Variants in SESN3 observed in about 807,000 individuals in gnomAD.
SESN3 encodes sestrin 3, also known as sestrin-3.
In SESN3, 21 loss-of-function variants were observed where a neutral mutation model predicts 55.3. The observed-to-expected ratio is 0.38, with a 90% confidence interval of 0.27 to 0.55. SESN3 has a LOEUF of 0.55. SESN3 is among the 20% of genes least tolerant of loss of function. The pLI, the probability that SESN3 is intolerant of heterozygous loss-of-function variation, is 0.76. For synonymous variants in SESN3, 181 were observed against 203.1 expected, an observed-to-expected ratio of 0.89 and a Z score of 0.93; for missense variants, 408 against 604.3, an observed-to-expected ratio of 0.68 and a Z score of 3.41.
chr11:95,201,548 A>C (rs968116666), intron 1 of SESN3, among the ~76,000 whole-genome samples: 4 of 152,074 alleles, frequency 2.6e-5, no homozygotes, highest in Non-Finnish European at 5.9e-5. Flanking sequence ...ACAAGTTGTT[A>C]TATTTATACA....
At chr11:95,186,956 T>A (rs1280488533) in intron 4 of SESN3, among the ~76,000 whole-genome samples, 5 of 151,850 alleles carry the variant, frequency 3.3e-5, no homozygotes, top group Non-Finnish European at 7.4e-5. Flanking sequence ...AACTTTTACA[T>A]ATTTTATTTT....
chr11:95,185,219 G>T, intron 5 of SESN3, 37 bp downstream of exon 5: 1 of 1,267,898 alleles, frequency 7.9e-7, no homozygotes, highest in Non-Finnish European at 1.1e-6. Context: ...GAAGTTTAAA[G>T]CAAAAATAGT....
At chr11:95,226,244 G>A (rs899218823) in intron 1 of SESN3, among the ~76,000 whole-genome samples, 6 of 152,216 alleles carry the variant, frequency 3.9e-5, no homozygotes, top group Non-Finnish European at 7.4e-5. Context: ...GGTTTATAAA[G>A]TTCATTAACA....
rs958679635 is a variant in SESN3, at chr11:95,177,806, T to C, written c.1160A>G (p.Tyr387Cys). The C allele has an allele frequency of 7.5e-6, 12 of 1,608,560 alleles. No individual in the cohort carries two copies. The highest frequency in any genetic ancestry group is 8.5e-6 in the Non-Finnish European group (10 of 1,178,426). The change falls in exon 8 of 10, where the codon TAT becomes TGT. Residue 387 changes from tyrosine (Y) to cysteine (C), a missense_variant. Coordinates refer to ENST00000536441, the MANE Select transcript of SESN3 (RefSeq NM_144665.4). ...ATCCTCATGGGTGGCCATAGTGTTATATGTGAGATTGTAGACCATCCGAAA... is the reference window on the plus strand; with the variant it reads ...ATCCTCATGGGTGGCCATAGTGTTACATGTGAGATTGTAGACCATCCGAAA... ...EKFRMVYNLTYNTMATHEDVD... is the reference protein window; with the variant it reads ...EKFRMVYNLTCNTMATHEDVD...
rs1860296122 is a variant in SESN3 at position 95,193,016 on chromosome 11, T to A, written c.144+441A>T. Among the ~76,000 whole-genome samples the A allele has an allele frequency of 2.0e-5, 3 of 152,120 alleles. No individual in the cohort carries two copies. The East Asian group carries it at 5.8e-4, about 29-fold the overall frequency. Reference sequence around the variant, plus strand: ...AAATGACTATGCTTCAGGAAGTCTTTATATGTAGTAGGCAACTTAGAGCAG... The same window carrying A: ...AAATGACTATGCTTCAGGAAGTCTTAATATGTAGTAGGCAACTTAGAGCAG... On this transcript the variant is annotated intron_variant, in intron 2 of 9. Coordinates refer to ENST00000536441, the MANE Select transcript of SESN3 (RefSeq NM_144665.4).
At chr11:95,215,006 T>C (rs1404256327) in intron 1 of SESN3, among the ~76,000 whole-genome samples, 1 of 152,210 alleles carries the variant, frequency 6.6e-6, no homozygotes, top group African/African-American at 2.4e-5. Flanking sequence ...GTCTCAAATC[T>C]GCATTTTGTA....
rs1457861325 is a variant in SESN3 at position 95,167,523 on chromosome 11, T to G, written c.*5732A>C. ...TACTTCATGGTGGTACAGTCATAAT[T>G]AGGTTAAAGCTAAAATGAACACTTC... On this transcript the variant is annotated 3_prime_UTR_variant, in exon 10 of 10. Coordinates refer to ENST00000536441, the MANE Select transcript of SESN3 (RefSeq NM_144665.4). The G allele has an allele frequency of 6.6e-6, 1 of 151,948 alleles. No homozygotes were observed. Among genetic ancestry groups the G allele is most frequent in the African/African-American group, 2.4e-5 (1 of 41,244 alleles). 9.4% of individuals were successfully genotyped at this position (151,948 alleles called of 1,614,324 possible).
rs539356255 is a variant in SESN3 at position 95,210,485 on chromosome 11, A to G, written c.79-16963T>C. 3.1e-4 allele frequency among the ~76,000 whole-genome samples: 47 copies of G among 152,364 alleles called. No homozygotes were observed. In the East Asian group the frequency reaches 7.9e-3, roughly 26 times the overall value. On this transcript the variant is annotated intron_variant, in intron 1 of 9. Coordinates refer to ENST00000536441, the MANE Select transcript of SESN3 (RefSeq NM_144665.4). ...GAAGGATGATCTGAAATAAGACGTA[A>G]CAATGTAACACCAGATATGAATGGA...
At chr11:95,178,938 T>TG (rs986312397) in intron 6 of SESN3, 110 bp from the exon 7 acceptor site, 1 of 638,294 alleles carries the variant, frequency 1.6e-6, no homozygotes, top group African/African-American at 1.8e-5. Context: ...ATTTCTAAAG[T>TG]GAAAACATGG....
At chr11:95,229,984 G>C (rs1861022013) in intron 1 of SESN3, among the ~76,000 whole-genome samples, 1 of 152,114 alleles carries the variant, frequency 6.6e-6, no homozygotes, top group East Asian at 1.9e-4. Context: ...CCTTCCCCGC[G>C]GGGCGATTAA....
chr11:95,216,811 T>C (rs903249204), intron 1 of SESN3, among the ~76,000 whole-genome samples: 2 of 151,392 alleles, frequency 1.3e-5, no homozygotes, highest in Non-Finnish European at 2.9e-5. Flanking sequence ...TAACATCAAT[T>C]AAGAGTAAAA....
intron 1 of SESN3, chr11:95,224,546 T>C: frequency 2.5e-6 from 1 of 402,572 alleles, no homozygotes; most frequent in Middle Eastern, 3.6e-4. Context: ...TTGAAAAATA[T>C]TGGCTCAATG....
At chr11:95,203,587 T>G (rs984988586) in intron 1 of SESN3, 1 of 152,224 alleles carries the variant, frequency 6.6e-6, no homozygotes, top group African/African-American at 2.4e-5. Context: ...CTGATCTGTA[T>G]AGTAAATGCA....
intron 8 of SESN3, among the ~76,000 whole-genome samples, chr11:95,176,003 G>T (rs554684620): frequency 6.6e-6 from 1 of 152,216 alleles, no homozygotes; most frequent in African/African-American, 2.4e-5. Context: ...GGGCAGGAAG[G>T]CTTCTCTGAA....
upstream of SESN3, chr11:95,231,403 A>T (rs1004519048): frequency 2.0e-5 from 7 of 354,814 alleles, no homozygotes; most frequent in African/African-American, 1.1e-4. Flanking sequence ...TTTATCTCCG[A>T]GGCTCGGAAC....
chr11:95,193,625 A>G, intron 1 of SESN3, 103 bp from the exon 2 acceptor site: 1 of 686,884 alleles, frequency 1.5e-6, no homozygotes, highest in Non-Finnish European at 2.5e-6. Context: ...AGAATAAATA[A>G]TTAAATTATG....
intron 1 of SESN3, among the ~76,000 whole-genome samples, chr11:95,227,673 C>T (rs1860972660): frequency 6.6e-6 from 1 of 152,130 alleles, no homozygotes; most frequent in African/African-American, 2.4e-5. Flanking sequence ...CTCTAAAGAG[C>T]ACAAAACTAT....
chr11:95,202,444 T>C (rs549478330), intron 1 of SESN3, among the ~76,000 whole-genome samples: 26 of 152,170 alleles, frequency 1.7e-4, no homozygotes, highest in Middle Eastern at 3.4e-3. Context: ...CTGTCTTCCA[T>C]GTGCCCTCTG....
At chr11:95,201,597 C>G (rs1860461995) in intron 1 of SESN3, among the ~76,000 whole-genome samples, 1 of 151,892 alleles carries the variant, frequency 6.6e-6, no homozygotes, top group Non-Finnish European at 1.5e-5. Flanking sequence ...ACAAAAGGAC[C>G]ACTTCAAGGT....
Sources: allele counts gnomAD v4.1 joint callset (sites outside exome capture counted in the v4.1 genomes callset), GRCh38; gene constraint gnomAD v4.1.1; transcripts MANE v1.5; gene names NCBI Gene and HGNC (gene_info 2026-07-23, HGNC 2026-07-21).